NAALADL2: variants seen among roughly 807,000 people sequenced by gnomAD.
The protein encoded by NAALADL2 is inactive N-acetylated-alpha-linked acidic dipeptidase-like protein 2.
NAALADL2 carries 76 observed loss-of-function variants against 87.2 expected under a neutral mutation model. The ratio of observed to expected loss-of-function variants is 0.87; its 90% CI spans 0.72 to 1.05. The LOEUF is 1.05. Ranked by LOEUF, NAALADL2 falls within the 50% of genes least tolerant of loss-of-function variation. The pLI is 0.00. For synonymous variants in NAALADL2, 354 were observed against 331.0 expected (o/e 1.07, Z -0.75); for missense variants, 1,089 against 945.8 (o/e 1.15, Z -1.99).
chr3:175,175,063 A>G (rs1381134), intron 2 of NAALADL2, among the ~76,000 whole-genome samples: 115,947 of 151,888 alleles, frequency 0.76, 45,992 homozygotes, highest in East Asian at 0.93. Flanking sequence ...AAAATTTCAT[A>G]AGTAGAGATT....
intron 11 of NAALADL2, among the ~76,000 whole-genome samples, chr3:175,658,268 A>ATGGT (rs1731776808): frequency 6.6e-6 from 1 of 152,160 alleles, no homozygotes; most frequent in South Asian, 2.1e-4. Flanking sequence ...GCTATGGGTT[A>ATGGT]TGGTACCCAA....
intron 2 of NAALADL2, among the ~76,000 whole-genome samples, chr3:174,557,281 A>G (rs1026877571): frequency 1.3e-5 from 2 of 152,210 alleles, no homozygotes; most frequent in Admixed American, 1.3e-4. Flanking sequence ...ACTTAAAAAA[A>G]TACAACTTTA....
chr3:174,992,566 G>C (rs908418885), intron 1 of NAALADL2, among the ~76,000 whole-genome samples: 1 of 151,956 alleles, frequency 6.6e-6, no homozygotes, highest in Non-Finnish European at 1.5e-5. Context: ...ATTTATTTCA[G>C]AGACCTGATT....
At chr3:175,008,629 C>G (rs1215282274) in intron 1 of NAALADL2, among the ~76,000 whole-genome samples, 1 of 152,072 alleles carries the variant, frequency 6.6e-6, no homozygotes, top group East Asian at 1.9e-4. Flanking sequence ...CTGGCCCAGG[C>G]AAAACCAGAT....
intron 1 of NAALADL2, among the ~76,000 whole-genome samples, chr3:174,882,464 T>C (rs1318861559): frequency 3.3e-5 from 5 of 150,380 alleles, no homozygotes; most frequent in Non-Finnish European, 7.4e-5. Flanking sequence ...TATACATATA[T>C]ACATATGTGT....
chr3:174,670,013 G>A (rs1247779553), intron 2 of NAALADL2, among the ~76,000 whole-genome samples: 2 of 151,880 alleles, frequency 1.3e-5, no homozygotes, highest in Non-Finnish European at 2.9e-5. Flanking sequence ...GCTAATAAAA[G>A]TATTTTATTG....
At chr3:175,489,224 A>T (rs1051737324) in intron 9 of NAALADL2, among the ~76,000 whole-genome samples, 5 of 152,052 alleles carry the variant, frequency 3.3e-5, no homozygotes, top group African/African-American at 9.7e-5. Flanking sequence ...CTATTATATT[A>T]AAAAAAATTC....
chr3:175,159,931 G>A (rs1732882508), intron 2 of NAALADL2, among the ~76,000 whole-genome samples: 1 of 150,828 alleles, frequency 6.6e-6, no homozygotes, highest in South Asian at 2.1e-4. Context: ...CTGCCTCCCA[G>A]CTTCAAGCAA....
In NAALADL2 at chr3:175,627,336, A is replaced by G. The variant is rs539767784; in HGVS notation, c.1846A>G (p.Lys616Glu). The change falls in exon 11 of 14, where the codon AAA becomes GAA. Residue 616 changes from lysine to glutamate, a missense_variant. Coordinates refer to ENST00000454872, the MANE Select transcript of NAALADL2 (RefSeq NM_207015.3). ...GGCCCGTTTTTCTACACGAGCAACA[A>G]AAATTGAAGAAATGGATCCCTCTTT... Reference protein sequence around the residue: ...SEARFSTRATKIEEMDPSFNL... With the variant: ...SEARFSTRATEIEEMDPSFNL... The G allele has an allele frequency of 2.2e-5, 35 of 1,573,250 alleles. No individual in the cohort carries two copies. The highest frequency in any genetic ancestry group is 2.9e-5 in the Non-Finnish European group (33 of 1,156,852).
intron 2 of NAALADL2, among the ~76,000 whole-genome samples, chr3:174,628,956 A>G (rs1721855745): frequency 6.6e-6 from 1 of 152,190 alleles, no homozygotes; most frequent in Non-Finnish European, 1.5e-5. Context: ...ATCTTAAAAT[A>G]TCTGTGTGGT....
chr3:175,002,384 C>T (rs1218337147), intron 1 of NAALADL2, among the ~76,000 whole-genome samples: 1 of 151,930 alleles, frequency 6.6e-6, no homozygotes, highest in Non-Finnish European at 1.5e-5. Flanking sequence ...AAGGATGAAC[C>T]GTTGAAGTTC....
At chr3:175,380,339 A>G (rs564532348) in intron 5 of NAALADL2, among the ~76,000 whole-genome samples, 6 of 152,264 alleles carry the variant, frequency 3.9e-5, no homozygotes, top group Middle Eastern at 3.4e-3. Context: ...TGTGTTTGTT[A>G]TATGTATTTT....
intron 2 of NAALADL2, among the ~76,000 whole-genome samples, chr3:175,139,770 G>C (rs1580662154): frequency 6.6e-6 from 1 of 152,028 alleles, no homozygotes; most frequent in African/African-American, 2.4e-5. Context: ...TTTCTCTACA[G>C]TAAAAAGCAT....
At chr3:175,083,260 A>G (rs1488762257) in intron 1 of NAALADL2, among the ~76,000 whole-genome samples, 1 of 152,282 alleles carries the variant, frequency 6.6e-6, no homozygotes, top group Admixed American at 6.5e-5. Context: ...TCATCCTCTC[A>G]TTCCAGTCTT....
chr3:175,702,807 TATTAA>T (rs1739165990), intron 11 of NAALADL2, among the ~76,000 whole-genome samples: 1 of 152,084 alleles, frequency 6.6e-6, no homozygotes, highest in Non-Finnish European at 1.5e-5. Flanking sequence ...TATATTAGTG[TATTAA>T]ATTGTCAGCA....
At chr3:174,507,143 G>A (rs904430026) in intron 1 of NAALADL2, among the ~76,000 whole-genome samples, 1 of 151,872 alleles carries the variant, frequency 6.6e-6, no homozygotes, top group Admixed American at 6.6e-5. Flanking sequence ...TGATTCTTAT[G>A]TTTAATTCTA....
rs558779318 is a variant in NAALADL2, at chr3:175,637,284, T to A, written c.1896+9898T>A. On this transcript the variant is annotated intron_variant, in intron 11 of 13. Transcript: ENST00000454872. ...CAGTGATTGGTCTACCAAATAAAAG[T>A]CTCAAATTTTTATTTCAGCCATAGT... is the stretch of plus-strand genomic sequence containing the variant. 8.5e-5 allele frequency among the ~76,000 whole-genome samples: 13 copies of A among 152,344 alleles called. No homozygotes were observed. The East Asian group carries it at 2.5e-3, about 29-fold the overall frequency.
intron 10 of NAALADL2, among the ~76,000 whole-genome samples, chr3:175,620,569 C>T (rs1726071682): frequency 1.3e-5 from 2 of 152,140 alleles, no homozygotes; most frequent in South Asian, 4.1e-4. Context: ...ACTCACAGAT[C>T]GGCAGGCAGA....
At chr3:175,228,163 G>T (rs1174714222) in intron 2 of NAALADL2, among the ~76,000 whole-genome samples, 3 of 151,886 alleles carry the variant, frequency 2.0e-5, no homozygotes, top group African/African-American at 7.2e-5. Flanking sequence ...TCAACAACCA[G>T]AGTGTAGGAG....
Sources: allele counts gnomAD v4.1 joint callset (sites outside exome capture counted in the v4.1 genomes callset), GRCh38; gene constraint gnomAD v4.1.1; transcripts MANE v1.5; gene names NCBI Gene and HGNC (gene_info 2026-07-23, HGNC 2026-07-21).